Variants in PLSCR2 observed in about 807,000 individuals in gnomAD.
The protein encoded by PLSCR2 is phospholipid scramblase 2, also known as PL scramblase 2.
PLSCR2 carries 18 observed loss-of-function variants against 25.3 expected under a neutral mutation model. The ratio of observed to expected loss-of-function variants is 0.71; its 90% CI spans 0.49 to 1.06. PLSCR2 has a LOEUF of 1.06. PLSCR2 is among the 50% of genes least tolerant of loss of function. The pLI, the probability that PLSCR2 is intolerant of heterozygous loss-of-function variation, is 0.00. For missense variants in PLSCR2, 243 were observed against 269.5 expected (o/e 0.90, Z 0.69); for synonymous variants, 88 against 87.3 (o/e 1.01, Z -0.04).
At chr3:146,395,532 A>G (rs1576550067) in intron 3 of PLSCR2, among the ~76,000 whole-genome samples, 1 of 152,180 alleles carries the variant, frequency 6.6e-6, no homozygotes, top group Admixed American at 6.5e-5. Context: ...CTGATTTTTC[A>G]TGAAGGCAAA....
chr3:146,460,777 T>C (rs1226421162), upstream of PLSCR2, among the ~76,000 whole-genome samples: 1 of 152,204 alleles, frequency 6.6e-6, no homozygotes, highest in Admixed American at 6.5e-5. Context: ...CTAATATAGA[T>C]GTAAAATCAT....
At chr3:146,449,298 C>G (rs2040751149) in exon 6 of PLSCR2, 2 of 1,611,370 alleles carry the variant, frequency 1.2e-6, no homozygotes, top group African/African-American at 2.7e-5. Context: ...TCAGTAAATG[C>G]CTCTCTTAAA....
chr3:146,481,392 A>G (rs1356225759), intron 1 of PLSCR2, among the ~76,000 whole-genome samples: 2 of 152,250 alleles, frequency 1.3e-5, no homozygotes, highest in Non-Finnish European at 2.9e-5. Flanking sequence ...AAGTCTCAGG[A>G]TACAAAATCA....
intron 2 of PLSCR2, among the ~76,000 whole-genome samples, chr3:146,412,448 T>A (rs1419035891): frequency 6.6e-6 from 1 of 152,158 alleles, no homozygotes; most frequent in Non-Finnish European, 1.5e-5. Context: ...ACCATTTGGA[T>A]GTCACCAGTG....
At chr3:146,431,803 G>T, downstream of PLSCR2, among the ~76,000 whole-genome samples, 1 of 151,264 alleles carries the variant, frequency 6.6e-6, no homozygotes, top group East Asian at 1.9e-4. Context: ...GCTATGAACT[G>T]CGTAAACACA....
chr3:146,454,613 T>C (rs921351483), intron 4 of PLSCR2, among the ~76,000 whole-genome samples: 1 of 152,120 alleles, frequency 6.6e-6, no homozygotes, highest in African/African-American at 2.4e-5. Context: ...TCCTAAAACA[T>C]CTCTGAACCC....
chr3:146,408,048 T>C (rs183812263), intron 2 of PLSCR2, among the ~76,000 whole-genome samples: 9 of 152,270 alleles, frequency 5.9e-5, no homozygotes, highest in South Asian at 4.1e-4. Flanking sequence ...ATGCGAGCAT[T>C]TGACATCCAT....
upstream of PLSCR2, among the ~76,000 whole-genome samples, chr3:146,461,597 C>T (rs1278557766): frequency 1.3e-5 from 2 of 151,452 alleles, no homozygotes; most frequent in Non-Finnish European, 2.9e-5. Flanking sequence ...ATGTTGAAAT[C>T]GAAAAGATGA....
At chr3:146,458,027 A>G (rs2041320908) in intron 3 of PLSCR2, among the ~76,000 whole-genome samples, 1 of 152,210 alleles carries the variant, frequency 6.6e-6, no homozygotes, top group South Asian at 2.1e-4. Flanking sequence ...AATCATCTCT[A>G]GATTACTTAT....
At position 146,454,018 on chromosome 3, in the gene PLSCR2, G is replaced by A. The variant is rs375128168; in HGVS notation, c.467C>T (p.Ala156Val). The A allele has an allele frequency of 3.8e-5, 60 of 1,574,602 alleles. No homozygotes were observed. Among genetic ancestry groups the A allele is most frequent in the African/African-American group, 1.4e-4 (10 of 72,478 alleles). Residue 156 changes from alanine to valine, a missense_variant, in exon 5 of 7, where the codon GCG (alanine) becomes GTG (valine). Transcript: ENST00000610787. Reference sequence around the variant, plus strand: ...ATCTCTTACCTCAAAATCAACACCCGCAATACAGCTGCACACGATACATGG... The same window carrying A: ...ATCTCTTACCTCAAAATCAACACCCACAATACAGCTGCACACGATACATGG...
chr3:146,408,286 C>T (rs1576572833), intron 2 of PLSCR2, among the ~76,000 whole-genome samples: 2 of 152,200 alleles, frequency 1.3e-5, no homozygotes, highest in East Asian at 3.9e-4. Context: ...TTTAGCAACT[C>T]CTTGGCTTTC....
chr3:146,433,800 G>A (rs1005789416), intron 8 of PLSCR2, among the ~76,000 whole-genome samples: 4 of 152,112 alleles, frequency 2.6e-5, no homozygotes, highest in African/African-American at 9.7e-5. Context: ...TCTAGACATT[G>A]CTTTTTCTGT....
At chr3:146,488,682 C>T (rs561209531) in intron 1 of PLSCR2, among the ~76,000 whole-genome samples, 13 of 151,788 alleles carry the variant, frequency 8.6e-5, no homozygotes, top group South Asian at 2.1e-4. Context: ...TGGATGCTGG[C>T]GAGGCTGTGG....
chr3:146,458,754 T>A (rs1404249302), intron 2 of PLSCR2, among the ~76,000 whole-genome samples: 1 of 152,056 alleles, frequency 6.6e-6, no homozygotes, highest in Admixed American at 6.5e-5. Context: ...CTTAAACATA[T>A]AAAGACATTT....
At chr3:146,398,742 A>C (rs2038360474) in intron 2 of PLSCR2, 1 of 152,118 alleles carries the variant, frequency 6.6e-6, no homozygotes, top group African/African-American at 2.4e-5. Context: ...CTCATTTTTT[A>C]TTTTGAACTT....
Position 146,469,490 on chromosome 3 carries a change from C to G in PLSCR2, c.-292-9206G>C. The G allele has an allele frequency of 4.1e-6, 4 of 983,862 alleles. No homozygotes were observed. The highest frequency in any genetic ancestry group is 4.8e-6 in the Non-Finnish European group (4 of 828,492). 60.9% of individuals were successfully genotyped at this position (983,862 alleles called of 1,614,324 possible). A position where few individuals can be genotyped will look rare whatever the true frequency, so the allele number is the denominator to read the frequency against. On this transcript the variant is annotated intron_variant, in intron 1 of 8. Transcript: ENST00000336685. ...GGGAGGCGACTGAGAAAGCCGCCCCCTTACCCGTGGCTGCAGCTGCTCCCG... is the reference window on the plus strand; with the variant it reads ...GGGAGGCGACTGAGAAAGCCGCCCCGTTACCCGTGGCTGCAGCTGCTCCCG...
intron 6 of PLSCR2, among the ~76,000 whole-genome samples, chr3:146,446,379 C>A (rs901055138): frequency 6.6e-6 from 1 of 152,144 alleles, no homozygotes; most frequent in Non-Finnish European, 1.5e-5. Context: ...TTAGTGGATA[C>A]CCCAAGCCTA....
intron 2 of PLSCR2, among the ~76,000 whole-genome samples, chr3:146,414,009 GAAGGT>G (rs2038933304): frequency 5.5e-5 from 2 of 36,196 alleles, no homozygotes; most frequent in African/African-American, 7.7e-5. Flanking sequence ...CAAGAAGGTG[GAAGGT>G]GGGGCTGGCA....
At chr3:146,425,778 A>C (rs193157969) in intron 2 of PLSCR2, among the ~76,000 whole-genome samples, 62 of 152,302 alleles carry the variant, frequency 4.1e-4, no homozygotes, top group Admixed American at 3.5e-3. Flanking sequence ...AGAAATATGG[A>C]GTTAAAGGCA....
Sources: gnomAD v4.1 joint callset for allele counts (sites outside exome capture counted in the v4.1 genomes callset) on GRCh38, gnomAD v4.1.1 for gene constraint, MANE v1.5 for transcripts, NCBI Gene and HGNC (gene_info 2026-07-23, HGNC 2026-07-21) for gene names.